ENPP1: variants seen among roughly 807,000 people sequenced by gnomAD.
ENPP1 encodes ectonucleotide pyrophosphatase/phosphodiesterase 1, also known as ectonucleotide pyrophosphatase/phosphodiesterase family member 1.
In ENPP1, 73 loss-of-function variants were observed where a neutral mutation model predicts 122.8. That is an observed-to-expected ratio of 0.59 (90% CI 0.49 to 0.72). The LOEUF (loss-of-function observed/expected upper bound fraction) is 0.72. Among genes scored for constraint, ENPP1 ranks in the 30% least tolerant of loss-of-function variants. ENPP1 has a pLI of 0.00. For missense variants in ENPP1, 978 were observed against 1,128.1 expected, an observed-to-expected ratio of 0.87 and a Z score of 1.91; for synonymous variants, 367 against 391.6, an observed-to-expected ratio of 0.94 and a Z score of 0.74.
chr6:131,882,339 CT>C lies in ENPP1; in HGVS notation c.2101-4del, dbSNP rs1782321999. 1 of 1,595,992 alleles carries C rather than the reference CT, an allele frequency of 6.3e-7. No homozygotes were observed. Among genetic ancestry groups the C allele is most frequent in the Non-Finnish European group, 8.6e-7 (1 of 1,168,740 alleles). On this transcript the variant is annotated splice_polypyrimidine_tract_variant and splice_region_variant and intron_variant, in intron 20 of 24. Transcript: ENST00000647893. The stretch of plus-strand genomic sequence containing the variant: ...TCTGAGAGTTCTTCTCATTTTCGTT[CT>C]TCAGGACAGTTTCTCTACGGAAGAC...
intron 19 of ENPP1, 69 bp from the exon 20 acceptor site, chr6:131,879,811 G>C: frequency 7.5e-7 from 1 of 1,329,360 alleles, no homozygotes; most frequent in Non-Finnish European, 1.1e-6. Context: ...AGGATTAGAT[G>C]AGTGTATCAC....
intron 1 of ENPP1, among the ~76,000 whole-genome samples, chr6:131,812,595 CTG>C (rs907215094): frequency 1.3e-5 from 2 of 152,192 alleles, no homozygotes; most frequent in Non-Finnish European, 2.9e-5. Context: ...AAACCAAACT[CTG>C]TAAAATATTT....
rs879243445 is a variant in ENPP1 at position 131,847,856 on chromosome 6, G to GTT, written c.313+8_313+9insTT. 3.0e-3 allele frequency: 3,598 copies of GTT among 1,181,888 alleles called. 77 individuals are homozygous for GTT. The African/African-American group carries it at 0.039, about 13-fold the overall frequency. The allele number at this position is 1,181,888 out of a possible 1,614,324, so 73.2% of individuals were successfully genotyped here. Reference sequence around the variant, plus strand: ...CAAGCTGTGCCAAAGAAGGTAATTAGGTGTGTGTGTGTGTGTGTGTGTGTG... The same window carrying GTT: ...CAAGCTGTGCCAAAGAAGGTAATTAGTTGTGTGTGTGTGTGTGTGTGTGTGTG... On this transcript the variant is annotated intron_variant, in intron 2 of 24. Coordinates refer to ENST00000647893, the MANE Select transcript of ENPP1 (RefSeq NM_006208.3).
intron 1 of ENPP1, chr6:131,826,070 G>A: frequency 1.3e-6 from 1 of 776,576 alleles, no homozygotes; most frequent in South Asian, 1.3e-5. Flanking sequence ...AGACAGCTCT[G>A]CTTTAGGGAC....
At chr6:131,834,584 G>A (rs1266958430) in intron 1 of ENPP1, among the ~76,000 whole-genome samples, 1 of 149,264 alleles carries the variant, frequency 6.7e-6, no homozygotes, top group African/African-American at 2.5e-5. Flanking sequence ...ACGCTGGAGT[G>A]CAGTGGCGTG....
intron 1 of ENPP1, chr6:131,826,734 G>T: frequency 2.0e-6 from 1 of 511,880 alleles, no homozygotes; most frequent in East Asian, 4.3e-5. Flanking sequence ...AATGACTTGT[G>T]GGATCTGGGA....
chr6:131,813,537 A>G (rs977259742), intron 1 of ENPP1, among the ~76,000 whole-genome samples: 1 of 152,048 alleles, frequency 6.6e-6, no homozygotes, highest in East Asian at 1.9e-4. Context: ...CTCAAAAAAA[A>G]AAAAGGGATG....
chr6:131,862,507 C>T (rs965237689), intron 9 of ENPP1, among the ~76,000 whole-genome samples: 4 of 152,088 alleles, frequency 2.6e-5, no homozygotes, highest in Non-Finnish European at 4.4e-5. Context: ...TCAGTCTCCC[C>T]GAGCATTTTG....
intron 3 of ENPP1, among the ~76,000 whole-genome samples, chr6:131,850,555 T>C (rs1006418029): frequency 6.6e-6 from 1 of 152,098 alleles, no homozygotes. Flanking sequence ...ATGAGAGAGA[T>C]TTATTTATTT....
intron 1 of ENPP1, chr6:131,827,890 T>G: frequency 1.4e-6 from 2 of 1,404,562 alleles, no homozygotes; most frequent in Admixed American, 1.7e-5. Context: ...CCTCACTGAC[T>G]GCTCGGCCAC....
chr6:131,873,568 G>A (rs778286735), intron 15 of ENPP1, among the ~76,000 whole-genome samples: 3 of 130,228 alleles, frequency 2.3e-5, no homozygotes, highest in Non-Finnish European at 4.8e-5. Context: ...CATTATACAC[G>A]TTGTTTTTTC....
At chr6:131,809,059 G>A (rs763081811) in intron 1 of ENPP1, among the ~76,000 whole-genome samples, 28 of 152,134 alleles carry the variant, frequency 1.8e-4, no homozygotes, top group Non-Finnish European at 2.8e-4. Context: ...GAGGCCTTGC[G>A]TAACTGTCCC....
chr6:131,858,560 T>A (rs1033779611), intron 6 of ENPP1, 108 bp from the exon 7 acceptor site: 1 of 722,824 alleles, frequency 1.4e-6, no homozygotes. Flanking sequence ...AAATCCCTCC[T>A]GGGCTAATTT....
intron 20 of ENPP1, 139 bp downstream of exon 20, chr6:131,880,173 A>G: frequency 4.4e-6 from 4 of 912,776 alleles, no homozygotes; most frequent in Non-Finnish European, 7.2e-6. Context: ...GGGAGTCAGA[A>G]AAATTCAGTT....
intron 24 of ENPP1, among the ~76,000 whole-genome samples, chr6:131,888,960 A>C (rs1307103575): frequency 6.6e-6 from 1 of 152,174 alleles, no homozygotes; most frequent in Non-Finnish European, 1.5e-5. Context: ...CAACTGCACC[A>C]TTAGGGACCC....
intron 1 of ENPP1, among the ~76,000 whole-genome samples, chr6:131,817,731 C>CTCTCTT (rs1781431303): frequency 7.2e-6 from 1 of 138,470 alleles, no homozygotes; most frequent in Non-Finnish European, 1.5e-5. Context: ...CTCTCTCTGT[C>CTCTCTT]TCTCTTTCTT....
intron 4 of ENPP1, chr6:131,851,489 T>C: frequency 1.8e-6 from 1 of 545,570 alleles, no homozygotes; most frequent in Non-Finnish European, 3.3e-6. Context: ...TTCATAATTA[T>C]GATTATGTGC....
chr6:131,875,730 T>C, intron 16 of ENPP1, 46 bp from the exon 17 acceptor site: 1 of 1,499,498 alleles, frequency 6.7e-7, no homozygotes, highest in East Asian at 2.3e-5. Context: ...GACCAACTTG[T>C]AGACAGCTGA....
intron 4 of ENPP1, 104 bp downstream of exon 4, chr6:131,851,371 A>C (rs1781879489): frequency 1.4e-6 from 2 of 1,424,400 alleles, no homozygotes; most frequent in African/African-American, 2.8e-5. Flanking sequence ...GCTATTGGCC[A>C]ACTATATTAG....
Sources: allele counts gnomAD v4.1 joint callset (sites outside exome capture counted in the v4.1 genomes callset), GRCh38; gene constraint gnomAD v4.1.1; transcripts MANE v1.5; gene names NCBI Gene and HGNC (gene_info 2026-07-23, HGNC 2026-07-21).